MGAT1: variants seen among roughly 807,000 people sequenced by gnomAD.
MGAT1 encodes alpha-1,3-mannosyl-glycoprotein 2-beta-N-acetylglucosaminyltransferase.
Under a neutral mutation model 31.7 loss-of-function variants are expected in MGAT1, and 14 were observed. The observed-to-expected ratio is 0.44, with a 90% confidence interval of 0.29 to 0.69. The LOEUF is 0.69. MGAT1 is among the 30% of genes least tolerant of loss of function. The probability of loss-of-function intolerance (pLI) is 0.12; values close to 1 mark genes in which losing one functional copy is unlikely to be tolerated. For missense variants in MGAT1, 557 were observed against 626.0 expected, an observed-to-expected ratio of 0.89 and a Z score of 1.18; for synonymous variants, 338 against 276.0, an observed-to-expected ratio of 1.22 and a Z score of -2.23.
intron 1 of MGAT1, chr5:180,811,222 G>A (rs1388314742): frequency 6.6e-6 from 1 of 152,228 alleles, no homozygotes; most frequent in Admixed American, 6.5e-5. Flanking sequence ...CTCCTGGCCT[G>A]TGTTCTGTCG....
At chr5:180,796,403 G>C (rs1268171676) in intron 1 of MGAT1, among the ~76,000 whole-genome samples, 1 of 152,054 alleles carries the variant, frequency 6.6e-6, no homozygotes, top group African/African-American at 2.4e-5. Flanking sequence ...TTATATCAGG[G>C]CTCAAATATT....
chr5:180,792,087 C>T lies in MGAT1; in HGVS notation c.885G>A (p.Pro295=), dbSNP rs776709098. ...TGCAGGCCCGCCCCTGCCGCTGCTC[C>T]GGCCGCCGCATCCAGTCGTCCCAGA... ...KAFWDDWMRR[P]EQRQGRACIR... The change falls in exon 2 of 2, where the codon CCG becomes CCA. Residue 295 remains proline (P), a synonymous_variant. Coordinates refer to ENST00000307826, the MANE Select transcript of MGAT1 (RefSeq NM_002406.4). The T allele has an allele frequency of 3.7e-6, 6 of 1,612,634 alleles. No homozygotes were observed. The highest frequency in any genetic ancestry group is 2.2e-5 in the East Asian group (1 of 44,880).
rs1767516103 is a variant in MGAT1, at chr5:180,785,606, A to C, written c.*6028T>G. 1 of 152,284 alleles carries C rather than the reference A, an allele frequency of 6.6e-6. No individual in the cohort carries two copies. Among genetic ancestry groups the C allele is most frequent in the South Asian group, 2.1e-4 (1 of 4,836 alleles). 9.4% of individuals were successfully genotyped at this position (152,284 alleles called of 1,614,324 possible). The stretch of plus-strand genomic sequence containing the variant: ...AAGTGTGCCTGTTCTAGCAAGAACC[A>C]GGAAGAGGCTGTCTCCCTGCCATGA... On this transcript the variant is annotated 3_prime_UTR_variant, in exon 2 of 2. Transcript: ENST00000307826.
chr5:180,809,821 C>CA (rs1772346816), intron 1 of MGAT1: 1 of 139,864 alleles, frequency 7.1e-6, no homozygotes, highest in African/African-American at 2.8e-5. Flanking sequence ...AACACACATC[C>CA]ATCCACACAC....
intron 1 of MGAT1, among the ~76,000 whole-genome samples, chr5:180,802,182 C>T (rs957844035): frequency 6.6e-6 from 1 of 152,164 alleles, no homozygotes; most frequent in African/African-American, 2.4e-5. Context: ...CTGCACGTCC[C>T]GGGGCTCTCT....
chr5:180,813,405 G>T (rs971914070), intron 1 of MGAT1, among the ~76,000 whole-genome samples: 1 of 152,188 alleles, frequency 6.6e-6, no homozygotes, highest in African/African-American at 2.4e-5. Context: ...TCATTTGCAA[G>T]AACTCTTTAT....
chr5:180,792,071 G>A lies in MGAT1; in HGVS notation c.901C>T (p.Arg301Trp), dbSNP rs1029101893. 6.2e-7 allele frequency: 1 copy of A among 1,612,082 alleles called. No individual in the cohort carries two copies. The highest frequency in any genetic ancestry group is 8.5e-7 in the Non-Finnish European group (1 of 1,179,694). Residue 301 changes from arginine to tryptophan, a missense_variant, in exon 2 of 2, where the codon CGG becomes TGG. Arg to Trp is a moderately radical substitution (Grantham distance 101, BLOSUM62 -3). This residue lies in a region of MGAT1 where 245 missense variants were observed against 332.9 expected (regional missense o/e 0.74). Transcript: ENST00000307826. ...WMRRPEQRQG[R>W]ACIRPEISRT... is the part of the protein sequence containing the mutation. ...GAGATCTCAGGGCGTATGCAGGCCC[G>A]CCCCTGCCGCTGCTCCGGCCGCCGC...
At chr5:180,814,364 G>A (rs767663122) in intron 1 of MGAT1, among the ~76,000 whole-genome samples, 2 of 152,102 alleles carry the variant, frequency 1.3e-5, no homozygotes, top group Non-Finnish European at 2.9e-5. Context: ...ATTGTCAACC[G>A]CTCCCTTCTT....
chr5:180,804,312 G>GCC (rs35557646), upstream of MGAT1, among the ~76,000 whole-genome samples: 4 of 152,122 alleles, frequency 2.6e-5, no homozygotes, highest in African/African-American at 9.7e-5. Context: ...ACTCCTGTGC[G>GCC]CCCCCCAACA....
In MGAT1 at chr5:180,788,836, CTAAGTTGGTACTTATCCTGGAGCACTAAG is replaced by C. The variant is rs1435532134; in HGVS notation, c.*2769_*2797del. ...GTAAGTTGGTACTTATCCTGGAGCA[CTAAGTTGGTACTTATCCTGGAGCACTAAG>C]TAAGTTGGTACTTATCCTGGAGCAC... On this transcript the variant is annotated 3_prime_UTR_variant, in exon 2 of 2. Coordinates refer to ENST00000307826, the MANE Select transcript of MGAT1 (RefSeq NM_002406.4). The C allele has an allele frequency of 3.4e-5, 5 of 149,206 alleles. No homozygotes were observed. Among genetic ancestry groups the C allele is most frequent in the African/African-American group, 1.2e-4 (5 of 40,574 alleles). 9.2% of individuals were successfully genotyped at this position (149,206 alleles called of 1,614,324 possible). A position where few individuals can be genotyped will look rare whatever the true frequency, so the allele number is the denominator to read the frequency against.
At chr5:180,794,246 G>A (rs1222984397) in intron 1 of MGAT1, among the ~76,000 whole-genome samples, 1 of 144,730 alleles carries the variant, frequency 6.9e-6, no homozygotes, top group Non-Finnish European at 1.5e-5. Context: ...AAAAAAAAAA[G>A]CTGGGCATGG....
intron 1 of MGAT1, among the ~76,000 whole-genome samples, chr5:180,800,635 G>T (rs554243982): frequency 1.3e-5 from 2 of 151,950 alleles, no homozygotes; most frequent in Non-Finnish European, 2.9e-5. Flanking sequence ...AGTGTATCCT[G>T]TTCCTGATTC....
upstream of MGAT1, chr5:180,803,958 C>T (rs3806868): frequency 0.01 from 1,565 of 152,604 alleles, 14 homozygotes; most frequent in East Asian, 0.034. Flanking sequence ...ACGGAGCAGC[C>T]CGGAACTCTG....
At position 180,792,058 on chromosome 5, in the gene MGAT1, C is replaced by G; in HGVS notation, c.914G>C (p.Arg305Pro). 6.2e-7 allele frequency: 1 copy of G among 1,613,394 alleles called. No homozygotes were observed. The highest frequency in any genetic ancestry group is 8.5e-7 in the Non-Finnish European group (1 of 1,179,916). The change falls in exon 2 of 2, where the codon CGC (arginine) becomes CCC (proline). Residue 305 changes from arginine to proline, a missense_variant. Coordinates refer to ENST00000307826, the MANE Select transcript of MGAT1 (RefSeq NM_002406.4). The part of the protein sequence containing the change: ...PEQRQGRACI[R>P]PEISRTMTFG... ...GGTCATCGTTCTTGAGATCTCAGGG[C>G]GTATGCAGGCCCGCCCCTGCCGCTG...
rs552971026 is a variant in MGAT1 at position 180,791,327 on chromosome 5, A to G, written c.*307T>C. 6.7e-6 allele frequency: 3 copies of G among 449,284 alleles called. No homozygotes were observed. Among genetic ancestry groups the G allele is most frequent in the African/African-American group, 2.0e-5 (1 of 50,730 alleles). The allele number at this position is 449,284 out of a possible 1,614,324, so 27.8% of individuals were successfully genotyped here. A position where few individuals can be genotyped will look rare whatever the true frequency, so the allele number is the denominator to read the frequency against. On this transcript the variant is annotated 3_prime_UTR_variant, in exon 2 of 2. Transcript: ENST00000307826. ...GCGAACGTTGCCAAACTCTCTGCACATGCTCCAGGAGAAAGCTCAGGACGT... is the reference window on the plus strand; with the variant it reads ...GCGAACGTTGCCAAACTCTCTGCACGTGCTCCAGGAGAAAGCTCAGGACGT...
chr5:180,791,887 A>G lies in MGAT1; in HGVS notation c.1085T>C (p.Val362Ala), dbSNP rs1311974324. 2 of 1,614,078 alleles carry G rather than the reference A, an allele frequency of 1.2e-6. No homozygotes were observed. Among genetic ancestry groups the G allele is most frequent in the East Asian group, 2.2e-5 (1 of 44,894 alleles). The change falls in exon 2 of 2, where the codon GTC (valine) becomes GCC (alanine). Residue 362 changes from valine to alanine, a missense_variant. Coordinates refer to ENST00000307826, the MANE Select transcript of MGAT1 (RefSeq NM_002406.4). ...EAYDRDFLAR[V>A]YGAPQLQVEK... Reference sequence around the variant, plus strand: ...CACCTGCAGCTGGGGAGCACCGTAGACGCGGGCGAGGAAATCTCGGTCATA... The same window carrying G: ...CACCTGCAGCTGGGGAGCACCGTAGGCGCGGGCGAGGAAATCTCGGTCATA...
At chr5:180,814,225 A>G (rs1006032391) in intron 1 of MGAT1, among the ~76,000 whole-genome samples, 1 of 152,236 alleles carries the variant, frequency 6.6e-6, no homozygotes, top group East Asian at 1.9e-4. Flanking sequence ...TGGTAGGTAC[A>G]AAAGTTAGTT....
At chr5:180,796,398 T>G (rs908641229) in intron 1 of MGAT1, among the ~76,000 whole-genome samples, 2 of 152,114 alleles carry the variant, frequency 1.3e-5, no homozygotes, top group Admixed American at 1.3e-4. Context: ...TTCTATTATA[T>G]CAGGGCTCAA....
chr5:180,804,397 G>A (rs914437848), upstream of MGAT1, among the ~76,000 whole-genome samples: 3 of 152,230 alleles, frequency 2.0e-5, no homozygotes, highest in African/African-American at 7.2e-5. Context: ...TGAAGCCTCC[G>A]CTTAAGTGGC....
Sources: gnomAD v4.1 joint callset for allele counts (sites outside exome capture counted in the v4.1 genomes callset) on GRCh38, gnomAD v4.1.1 for gene constraint, gnomAD v4.1.1 regional missense constraint, MANE v1.5 for transcripts, NCBI Gene and HGNC (gene_info 2026-07-23, HGNC 2026-07-21) for gene names.